AKAP19: variants seen among roughly 807,000 people sequenced by gnomAD.
AKAP19 encodes the protein A-kinase anchoring protein 19.
the AKAP19 span, among the ~76,000 whole-genome samples, chr2:190,004,422 C>A: frequency 2.0e-5 from 3 of 152,154 alleles, no homozygotes; most frequent in South Asian, 2.1e-4. Flanking sequence ...AAAATTCTTA[C>A]AGTGACCCGT....
the AKAP19 span, among the ~76,000 whole-genome samples, chr2:189,908,062 C>T: frequency 4.6e-5 from 7 of 152,050 alleles, no homozygotes; most frequent in African/African-American, 1.7e-4. Context: ...TACTTCTGCT[C>T]TAATCTTTAT....
At chr2:190,047,661 G>A in the AKAP19 span, among the ~76,000 whole-genome samples, 2 of 152,310 alleles carry the variant, frequency 1.3e-5, no homozygotes, top group African/African-American at 4.8e-5. Context: ...TAGAACACAA[G>A]TATGAATAGA....
chr2:190,126,654 A>G, the AKAP19 span, among the ~76,000 whole-genome samples: 1 of 152,178 alleles, frequency 6.6e-6, no homozygotes, highest in Admixed American at 6.5e-5. Flanking sequence ...ACTCTTGAAT[A>G]CATAATTGTT....
the AKAP19 span, among the ~76,000 whole-genome samples, chr2:190,099,493 A>T: frequency 6.6e-6 from 1 of 152,286 alleles, no homozygotes; most frequent in East Asian, 1.9e-4. Flanking sequence ...ACAAATACAA[A>T]AGTAACATCA....
At chr2:190,183,261 T>TA in the AKAP19 span, among the ~76,000 whole-genome samples, 1 of 152,238 alleles carries the variant, frequency 6.6e-6, no homozygotes, top group Non-Finnish European at 1.5e-5. Context: ...CCAAGTACGA[T>TA]AATGGCTGGA....
chr2:190,003,656 G>A, the AKAP19 span, among the ~76,000 whole-genome samples: 1 of 152,088 alleles, frequency 6.6e-6, no homozygotes, highest in Non-Finnish European at 1.5e-5. Context: ...TTGAGACCAG[G>A]GGTTCAAGAC....
At chr2:190,107,652 G>A in the AKAP19 span, among the ~76,000 whole-genome samples, 1 of 152,134 alleles carries the variant, frequency 6.6e-6, no homozygotes, top group African/African-American at 2.4e-5. Context: ...AAAGAGTGGG[G>A]TCATACAAAG....
the AKAP19 span, among the ~76,000 whole-genome samples, chr2:190,077,444 A>AATGTTAAC: frequency 1.3e-5 from 2 of 151,810 alleles, no homozygotes; most frequent in East Asian, 1.9e-4. Flanking sequence ...AAACATTTAA[A>AATGTTAAC]ATGTTAACAT....
the AKAP19 span, among the ~76,000 whole-genome samples, chr2:189,927,677 T>C: frequency 1.4e-3 from 219 of 152,288 alleles, no homozygotes; most frequent in African/African-American, 5.0e-3. Flanking sequence ...GTTTTTTCCC[T>C]AAAAATAAGG....
the AKAP19 span, among the ~76,000 whole-genome samples, chr2:189,982,946 G>GT: frequency 6.6e-6 from 1 of 152,194 alleles, no homozygotes; most frequent in African/African-American, 2.4e-5. Flanking sequence ...CTGATAGCAG[G>GT]TTTTTTGTTT....
chr2:190,111,251 C>A, the AKAP19 span, among the ~76,000 whole-genome samples: 1 of 152,108 alleles, frequency 6.6e-6, no homozygotes, highest in African/African-American at 2.4e-5. Flanking sequence ...GAAAACAAAA[C>A]AAAACTTGTG....
chr2:189,909,941 A>C, the AKAP19 span, among the ~76,000 whole-genome samples: 9 of 151,998 alleles, frequency 5.9e-5, no homozygotes, highest in Non-Finnish European at 1.2e-4. Flanking sequence ...TTCAAGTATA[A>C]AACTGATTTC....
the AKAP19 span, among the ~76,000 whole-genome samples, chr2:190,157,504 T>TA: frequency 2.0e-5 from 3 of 152,112 alleles, no homozygotes; most frequent in Admixed American, 1.3e-4. Flanking sequence ...CTATTCATGG[T>TA]AAAAAAATTA....
chr2:190,123,815 G>A, the AKAP19 span, among the ~76,000 whole-genome samples: 2 of 152,222 alleles, frequency 1.3e-5, no homozygotes, highest in Non-Finnish European at 2.9e-5. Context: ...TAGCATGTGA[G>A]TCTGAGCGCA....
the AKAP19 span, among the ~76,000 whole-genome samples, chr2:189,979,318 T>A: frequency 6.6e-6 from 1 of 151,838 alleles, no homozygotes; most frequent in Non-Finnish European, 1.5e-5. Context: ...AACAAAAATA[T>A]ACAATGGGGA....
At chr2:190,004,234 T>C in the AKAP19 span, among the ~76,000 whole-genome samples, 1 of 152,066 alleles carries the variant, frequency 6.6e-6, no homozygotes, top group African/African-American at 2.4e-5. Context: ...GTAACTAACC[T>C]GCACATTGTG....
At chr2:190,148,189 G>T in the AKAP19 span, among the ~76,000 whole-genome samples, 1 of 152,118 alleles carries the variant, frequency 6.6e-6, no homozygotes, top group East Asian at 1.9e-4. Context: ...CTTGTTTGCT[G>T]ATTTTGTTGA....
At chr2:190,032,324 G>A in the AKAP19 span, among the ~76,000 whole-genome samples, 1 of 152,064 alleles carries the variant, frequency 6.6e-6, no homozygotes, top group African/African-American at 2.4e-5. Flanking sequence ...GATGCCTCAG[G>A]GAATTGGTAA....
chr2:189,933,142 T>C, the AKAP19 span, among the ~76,000 whole-genome samples: 2 of 152,226 alleles, frequency 1.3e-5, no homozygotes, highest in African/African-American at 4.8e-5. Context: ...ATTAATATTT[T>C]CTTGCTTGTT....
Sources: allele counts gnomAD v4.1 joint callset (sites outside exome capture counted in the v4.1 genomes callset), GRCh38; gene constraint gnomAD v4.1.1; transcripts MANE v1.5; gene names NCBI Gene and HGNC (gene_info 2026-07-23, HGNC 2026-07-21).